The following SLC8A2 variants were observed in gnomAD, a reference collection of about 807,000 sequenced individuals.
SLC8A2 encodes sodium/calcium exchanger 2.
A neutral mutation model predicts 70.2 loss-of-function variants in SLC8A2; 14 were observed. That is an observed-to-expected ratio of 0.20 (90% CI 0.13 to 0.31). SLC8A2 has a LOEUF of 0.31. Among genes scored for constraint, SLC8A2 ranks in the 10% least tolerant of loss-of-function variants. SLC8A2 has a pLI of 1.00. For synonymous variants in SLC8A2, 575 were observed against 594.3 expected, an observed-to-expected ratio of 0.97 and a Z score of 0.47; for missense variants, 779 against 1,320.1, an observed-to-expected ratio of 0.59 and a Z score of 6.35.
chr19:47,457,869 T>G (rs1405558805), intron 2 of SLC8A2, among the ~76,000 whole-genome samples: 1 of 151,042 alleles, frequency 6.6e-6, no homozygotes, highest in East Asian at 1.9e-4. Context: ...GACAGAGTCT[T>G]TCTCTGTAGC....
At chr19:47,464,582 C>G (rs778303415) in intron 2 of SLC8A2, among the ~76,000 whole-genome samples, 12 of 152,224 alleles carry the variant, frequency 7.9e-5, no homozygotes, top group Non-Finnish European at 1.3e-4. Context: ...CTCCCCTTTC[C>G]TCACTGTGGC....
intron 3 of SLC8A2, among the ~76,000 whole-genome samples, chr19:47,452,432 GAGAGAGAGAGAGA>G: frequency 9.5e-6 from 1 of 105,002 alleles, no homozygotes; most frequent in East Asian, 2.9e-4. Flanking sequence ...GAGAGAGAGA[GAGAGAGAGAGAGA>G]GTGTGTGTGT....
At chr19:47,442,988 T>C (rs1967116968) in intron 4 of SLC8A2, among the ~76,000 whole-genome samples, 2 of 152,328 alleles carry the variant, frequency 1.3e-5, no homozygotes, top group Non-Finnish European at 2.9e-5. Context: ...TGGCCTGTCT[T>C]CTTTAAATAT....
At position 47,437,581 on chromosome 19, in the gene SLC8A2, G is replaced by A. The variant is rs753382790; in HGVS notation, c.2011-20C>T. ...CGTGTTCTGGGGATGAGAGGGTGGG[G>A]GAGAGGTCACTGCCCCTGAGCGAAC... On this transcript the variant is annotated intron_variant, in intron 7 of 9. Coordinates refer to ENST00000236877, the MANE Select transcript of SLC8A2 (RefSeq NM_015063.3). The A allele has an allele frequency of 1.7e-5, 27 of 1,581,154 alleles. No homozygotes were observed. In the Admixed American group the frequency reaches 4.3e-4, roughly 25 times the overall value.
At chr19:47,446,987 C>T (rs1291963918) in intron 4 of SLC8A2, among the ~76,000 whole-genome samples, 3 of 152,122 alleles carry the variant, frequency 2.0e-5, no homozygotes, top group Non-Finnish European at 4.4e-5. Context: ...TCAGGCTCCC[C>T]AGTGTCTCCC....
intron 8 of SLC8A2, among the ~76,000 whole-genome samples, chr19:47,435,124 G>C (rs373265862): frequency 6.6e-6 from 1 of 151,830 alleles, no homozygotes; most frequent in Non-Finnish European, 1.5e-5. Context: ...CAGGAGGATC[G>C]CTTGAACCCA....
intron 6 of SLC8A2, among the ~76,000 whole-genome samples, chr19:47,439,799 G>A (rs551924083): frequency 6.6e-6 from 1 of 152,076 alleles, no homozygotes; most frequent in South Asian, 2.1e-4. Context: ...GAGTAGGTGG[G>A]ATCACAGGTG....
In SLC8A2 at chr19:47,437,453, C is replaced by T; in HGVS notation, c.2110+9G>A. The stretch of plus-strand genomic sequence containing the variant: ...CTTTCTCTCTTCTCTCTCCTCCCTC[C>T]CCACTTACCTGCGCTCACCGTAATT... On this transcript the variant is annotated intron_variant, in intron 8 of 9. Coordinates refer to ENST00000236877, the MANE Select transcript of SLC8A2 (RefSeq NM_015063.3). 6.4e-7 allele frequency: 1 copy of T among 1,559,444 alleles called. No homozygotes were observed. The highest frequency in any genetic ancestry group is 8.8e-7 in the Non-Finnish European group (1 of 1,130,322).
chr19:47,442,077 G>C (rs1170885933), intron 4 of SLC8A2, among the ~76,000 whole-genome samples: 1 of 152,044 alleles, frequency 6.6e-6, no homozygotes, highest in Admixed American at 6.6e-5. Flanking sequence ...ACTCCAGCCT[G>C]GCAACAGAGC....
chr19:47,437,837 C>A lies in SLC8A2; in HGVS notation c.2010+12G>T. 3 of 1,614,078 alleles carry A rather than the reference C, an allele frequency of 1.9e-6. No individual in the cohort carries two copies. The highest frequency in any genetic ancestry group is 2.5e-6 in the Non-Finnish European group (3 of 1,179,986). On this transcript the variant is annotated intron_variant, in intron 7 of 9. Transcript: ENST00000236877. ...GGCTGGACTCCAGGAAGGTGAGGCC[C>A]CGGAAAATCACCTTAAAATCATATG... is the stretch of plus-strand genomic sequence containing the variant.
chr19:47,470,580 G>A (rs1019842439), intron 1 of SLC8A2, among the ~76,000 whole-genome samples: 5 of 152,058 alleles, frequency 3.3e-5, no homozygotes, highest in African/African-American at 1.2e-4. Flanking sequence ...GGACTGGCCC[G>A]GTCTAACTCA....
rs372858973 is a variant in SLC8A2, at chr19:47,466,216, G to C, written c.188C>G (p.Pro63Arg). ...CCGTGCCGCCTTGTCACCCAGCGAC[G>C]GGTCGTCGGGCTCCCACACGGGCAG... ...VLLPVWEPDD[P>R]SLGDKAARAV... The change falls in exon 2 of 10, where the codon CCG (proline) becomes CGG (arginine). Residue 63 changes from proline to arginine, a missense_variant. Transcript: ENST00000236877. The surrounding 1 kb of genome is among the most constrained non-coding windows in gnomAD (Gnocchi z 6.9). 6.2e-7 allele frequency: 1 copy of C among 1,610,008 alleles called. No individual in the cohort carries two copies. Among genetic ancestry groups the C allele is most frequent in the Non-Finnish European group, 8.5e-7 (1 of 1,176,974 alleles).
rs555421520 is a variant in SLC8A2, at chr19:47,430,015, C to T, written c.*74G>A. 9 of 1,455,102 alleles carry T rather than the reference C, an allele frequency of 6.2e-6. No individual in the cohort carries two copies. The highest frequency in any genetic ancestry group is 5.7e-5 in the African/African-American group (4 of 70,378). 90.1% of individuals were successfully genotyped at this position (1,455,102 alleles called of 1,614,324 possible). Reference sequence around the variant, plus strand: ...GGCCGAGTCTGGGGGGAAAAGGAGACCAGGGTCCAAGAGCAGGTGCAGCCG... The same window carrying T: ...GGCCGAGTCTGGGGGGAAAAGGAGATCAGGGTCCAAGAGCAGGTGCAGCCG... On this transcript the variant is annotated 3_prime_UTR_variant, in exon 10 of 10. Transcript: ENST00000236877. The surrounding 1 kb of genome is among the most constrained non-coding windows in gnomAD (Gnocchi z 5.9).
At position 47,432,492 on chromosome 19, in the gene SLC8A2, TTGCCTACAG is replaced by T; in HGVS notation, c.2111-56_2111-48del. 6.6e-7 allele frequency: 1 copy of T among 1,510,060 alleles called. No homozygotes were observed. Among genetic ancestry groups the T allele is most frequent in the Non-Finnish European group, 8.8e-7 (1 of 1,131,332 alleles). The allele number at this position is 1,510,060 out of a possible 1,614,324, so 93.5% of individuals were successfully genotyped here. ...GGGGCATACACTCAGACTTCCTTCC[TTGCCTACAG>T]AGGCCCCATTTTGTCTAACTTCCTG... On this transcript the variant is annotated intron_variant, in intron 8 of 9. Transcript: ENST00000236877. This position sits in a 1 kb window ranked among gnomAD's most constrained non-coding sequence, Gnocchi z 6.2.
At position 47,441,451 on chromosome 19, in the gene SLC8A2, G is replaced by A. The variant is rs1246724179; in HGVS notation, c.1764-11C>T. ...ACCTGAAGAGTTTTCCTGTGCAGGG[G>A]GTAAGGGGGAGGCAGAACACTCAGT... On this transcript the variant is annotated splice_polypyrimidine_tract_variant and intron_variant, in intron 4 of 9. Coordinates refer to ENST00000236877, the MANE Select transcript of SLC8A2 (RefSeq NM_015063.3). The A allele has an allele frequency of 2.6e-6, 4 of 1,563,852 alleles. No homozygotes were observed. Among genetic ancestry groups the A allele is most frequent in the East Asian group, 2.2e-5 (1 of 44,506 alleles).
At chr19:47,439,771 C>A (rs1967078057) in intron 6 of SLC8A2, among the ~76,000 whole-genome samples, 1 of 152,030 alleles carries the variant, frequency 6.6e-6, no homozygotes, top group Non-Finnish European at 1.5e-5. Flanking sequence ...TCAAGTGATT[C>A]TCCTGCCTTA....
At chr19:47,455,921 C>G (rs1034815834) in intron 3 of SLC8A2, among the ~76,000 whole-genome samples, 1 of 152,158 alleles carries the variant, frequency 6.6e-6, no homozygotes, top group Non-Finnish European at 1.5e-5. Context: ...CTTTATGGCA[C>G]AACCAAAGAC....
chr19:47,471,273 G>A (rs912682962), intron 1 of SLC8A2, among the ~76,000 whole-genome samples: 1 of 151,830 alleles, frequency 6.6e-6, no homozygotes, highest in Admixed American at 6.6e-5. Flanking sequence ...AACAGAGATG[G>A]CGCAAGAGGA....
intron 3 of SLC8A2, among the ~76,000 whole-genome samples, chr19:47,453,846 GCT>G: frequency 6.6e-6 from 1 of 152,190 alleles, no homozygotes; most frequent in Non-Finnish European, 1.5e-5. Flanking sequence ...GATTGCTTGA[GCT>G]TGGGAGGCGG....
Sources: gnomAD v4.1 joint callset for allele counts (sites outside exome capture counted in the v4.1 genomes callset) on GRCh38, gnomAD v4.1.1 for gene constraint, Gnocchi (gnomAD v3.1) non-coding constraint, MANE v1.5 for transcripts, NCBI Gene and HGNC (gene_info 2026-07-23, HGNC 2026-07-21) for gene names.